SLC35G2: variants seen among roughly 807,000 people sequenced by gnomAD.
SLC35G2 encodes the protein solute carrier family 35 member G2.
A neutral mutation model predicts 27.2 loss-of-function variants in SLC35G2; 20 were observed. That is an observed-to-expected ratio of 0.74 (90% CI 0.52 to 1.07). The LOEUF (loss-of-function observed/expected upper bound fraction) is 1.07, where lower values mean the gene tolerates loss of function less well. Among genes scored for constraint, SLC35G2 ranks in the 50% least tolerant of loss-of-function variants. SLC35G2 has a pLI of 0.00. For synonymous variants in SLC35G2, 148 were observed against 165.3 expected, an observed-to-expected ratio of 0.90 and a Z score of 0.80; for missense variants, 416 against 493.3, an observed-to-expected ratio of 0.84 and a Z score of 1.48.
intron 1 of SLC35G2, among the ~76,000 whole-genome samples, chr3:136,848,023 C>T (rs1937470721): frequency 6.6e-6 from 1 of 152,066 alleles, no homozygotes; most frequent in Admixed American, 6.6e-5. Context: ...GTTAGAACCC[C>T]ATGAGCACAG....
chr3:136,821,736 C>T (rs1002672264), intron 1 of SLC35G2, among the ~76,000 whole-genome samples: 17 of 152,182 alleles, frequency 1.1e-4, no homozygotes, highest in Non-Finnish European at 2.9e-5. Context: ...CCGGGCCTGC[C>T]TTCTTAACAA....
intron 1 of SLC35G2, among the ~76,000 whole-genome samples, chr3:136,851,024 G>A (rs965428060): frequency 6.6e-6 from 1 of 152,098 alleles, no homozygotes; most frequent in African/African-American, 2.4e-5. Flanking sequence ...TGGGCACAGT[G>A]ACTAGAAACA....
intron 1 of SLC35G2, among the ~76,000 whole-genome samples, chr3:136,835,713 G>T (rs1468800047): frequency 6.6e-6 from 1 of 152,054 alleles, no homozygotes; most frequent in East Asian, 1.9e-4. Flanking sequence ...GGATTCTATT[G>T]TACAGAAGTT....
intron 1 of SLC35G2, among the ~76,000 whole-genome samples, chr3:136,844,460 G>A (rs1576906134): frequency 6.7e-6 from 1 of 148,822 alleles, no homozygotes; most frequent in Non-Finnish European, 1.5e-5. Context: ...CTGTACTCCA[G>A]CCTGGGAGAC....
At chr3:136,821,431 G>A (rs1475993388) in intron 1 of SLC35G2, among the ~76,000 whole-genome samples, 2 of 151,962 alleles carry the variant, frequency 1.3e-5, no homozygotes, top group Non-Finnish European at 2.9e-5. Flanking sequence ...TGTAACATGA[G>A]ATCTATCCTC....
chr3:136,823,883 C>T (rs1327536397), intron 1 of SLC35G2, among the ~76,000 whole-genome samples: 1 of 151,798 alleles, frequency 6.6e-6, no homozygotes, highest in Non-Finnish European at 1.5e-5. Flanking sequence ...GGATTACAGG[C>T]TGATTTGATT....
In SLC35G2 at chr3:136,830,603, G is replaced by T. The variant is rs149950452; in HGVS notation, c.-19+10975G>T. Among the ~76,000 whole-genome samples the T allele has an allele frequency of 9.2e-5, 14 of 151,912 alleles. No homozygotes were observed. In the East Asian group the frequency reaches 2.7e-3, roughly 29 times the overall value. On this transcript the variant is annotated intron_variant, in intron 1 of 1. Transcript: ENST00000446465. ...TGGCCTACTTTTTGTATTTTTAGTA[G>T]AGATGGAGTTTCACCATGTTGGCCA...
At chr3:136,840,323 G>A (rs1937031239) in intron 1 of SLC35G2, among the ~76,000 whole-genome samples, 1 of 152,126 alleles carries the variant, frequency 6.6e-6, no homozygotes, top group Admixed American at 6.5e-5. Flanking sequence ...TAAGTGAGCT[G>A]TCATCCAGTT....
intron 1 of SLC35G2, among the ~76,000 whole-genome samples, chr3:136,841,075 C>G (rs962722822): frequency 3.3e-5 from 5 of 151,760 alleles, no homozygotes; most frequent in African/African-American, 4.8e-5. Context: ...GTGATCTGCC[C>G]GCTTCAGCCT....
At chr3:136,848,733 A>C (rs781034187) in intron 1 of SLC35G2, among the ~76,000 whole-genome samples, 2 of 152,264 alleles carry the variant, frequency 1.3e-5, no homozygotes, top group Non-Finnish European at 2.9e-5. Context: ...AGTGGGAGCT[A>C]AACAATTACA....
intron 1 of SLC35G2, among the ~76,000 whole-genome samples, chr3:136,823,415 T>C (rs1936506563): frequency 6.6e-6 from 1 of 152,208 alleles, no homozygotes; most frequent in African/African-American, 2.4e-5. Context: ...TTAAACTTGA[T>C]GTGACACCAT....
At chr3:136,836,180 T>G (rs1936861207) in intron 1 of SLC35G2, among the ~76,000 whole-genome samples, 1 of 151,880 alleles carries the variant, frequency 6.6e-6, no homozygotes, top group African/African-American at 2.4e-5. Context: ...TTCTGTCCAT[T>G]TATATTAAAA....
In SLC35G2 at chr3:136,828,741, G is replaced by A. The variant is rs977597380; in HGVS notation, c.-19+9113G>A. On this transcript the variant is annotated intron_variant, in intron 1 of 1. Transcript: ENST00000446465. The stretch of plus-strand genomic sequence containing the variant: ...AGAATTTAGTCTGTTTACATTCAAT[G>A]TTATCAATAAGTAAGGACTTCTGCC... Among the ~76,000 whole-genome samples, 4 of 152,138 alleles carry A rather than the reference G, an allele frequency of 2.6e-5. No homozygotes were observed. The South Asian group carries it at 8.3e-4, about 32-fold the overall frequency.
At chr3:136,833,171 G>C (rs1431572583) in intron 1 of SLC35G2, among the ~76,000 whole-genome samples, 1 of 152,088 alleles carries the variant, frequency 6.6e-6, no homozygotes, top group Non-Finnish European at 1.5e-5. Flanking sequence ...ATTCAGTTTG[G>C]AGAAGAGGAA....
chr3:136,837,480 A>G (rs1243320530), intron 1 of SLC35G2: 1 of 152,200 alleles, frequency 6.6e-6, no homozygotes, highest in African/African-American at 2.4e-5. Flanking sequence ...AATACCATAT[A>G]ATTGAATTTC....
chr3:136,855,515 A>G lies in SLC35G2; in HGVS notation c.1055A>G (p.His352Arg), dbSNP rs1280457448. 6 of 1,614,052 alleles carry G rather than the reference A, an allele frequency of 3.7e-6. No homozygotes were observed. In the South Asian group the frequency reaches 5.5e-5, roughly 15 times the overall value. ...FHPALVSTVQ[H>R]LEIVVAMVLQ... ...CCAGCTTTGGTTAGCACAGTACAAC[A>G]TTTGGAGATTGTGGTAGCTATGGTC... The change falls in exon 2 of 2, where the codon CAT (histidine) becomes CGT (arginine). Residue 352 changes from histidine to arginine, a missense_variant. Transcript: ENST00000446465.
chr3:136,842,127 T>G (rs1937125189), intron 1 of SLC35G2: 1 of 152,196 alleles, frequency 6.6e-6, no homozygotes, highest in Non-Finnish European at 1.5e-5. Context: ...TGCTCTTGAG[T>G]TCAAAGTATA....
chr3:136,834,923 A>T (rs1204273185), intron 1 of SLC35G2, among the ~76,000 whole-genome samples: 1 of 152,184 alleles, frequency 6.6e-6, no homozygotes, highest in Non-Finnish European at 1.5e-5. Flanking sequence ...AATTGTAAAC[A>T]TTTTACATTT....
intron 1 of SLC35G2, among the ~76,000 whole-genome samples, chr3:136,836,768 A>C (rs532178800): frequency 6.6e-6 from 1 of 152,294 alleles, no homozygotes; most frequent in African/African-American, 2.4e-5. Context: ...TATAAATATC[A>C]CACTGTGTTT....
Sources: gnomAD v4.1 joint callset for allele counts (sites outside exome capture counted in the v4.1 genomes callset) on GRCh38, gnomAD v4.1.1 for gene constraint, MANE v1.5 for transcripts, NCBI Gene and HGNC (gene_info 2026-07-23, HGNC 2026-07-21) for gene names.